The following CFTR variants were observed in gnomAD, a reference collection of about 807,000 sequenced individuals.
CFTR encodes the protein cystic fibrosis transmembrane conductance regulator.
A neutral mutation model predicts 171.6 loss-of-function variants in CFTR; 181 were observed. The ratio of observed to expected loss-of-function variants is 1.05; its 90% CI spans 0.93 to 1.19. The LOEUF is 1.19. Ranked by LOEUF, CFTR falls within the 50% of genes most tolerant of loss-of-function variation. The pLI, the probability that CFTR is intolerant of heterozygous loss-of-function variation, is 0.00. For synonymous variants in CFTR, 583 were observed against 608.0 expected (o/e 0.96, Z 0.60); for missense variants, 1,968 against 1,734.7 (o/e 1.13, Z -2.39).
At chr7:117,624,908 G>A (rs919949120) in intron 21 of CFTR, among the ~76,000 whole-genome samples, 5 of 152,124 alleles carry the variant, frequency 3.3e-5, no homozygotes, top group African/African-American at 4.8e-5. Flanking sequence ...GAATTGATTT[G>A]TTCTGCTCTG....
chr7:117,518,513 A>G (rs1189474878), intron 3 of CFTR, among the ~76,000 whole-genome samples: 1 of 147,976 alleles, frequency 6.8e-6, no homozygotes, highest in East Asian at 1.9e-4. Context: ...AATAGGTTAG[A>G]AAATAGCAAA....
chr7:117,590,417 A>T lies in CFTR; in HGVS notation c.1744A>T (p.Thr582Ser), dbSNP rs397508292. The T allele has an allele frequency of 6.2e-6, 10 of 1,602,524 alleles. No individual in the cohort carries two copies. The highest frequency in any genetic ancestry group is 4.4e-5 in the South Asian group (4 of 90,894). Residue 582 changes from threonine (T) to serine (S), a missense_variant, in exon 13 of 27, where the codon ACA becomes TCA. Coordinates refer to ENST00000003084, the MANE Select transcript of CFTR (RefSeq NM_000492.4). Reference sequence around the variant, plus strand: ...TCCTTTTGGATACCTAGATGTTTTAACAGAAAAAGAAATATTTGAAAGGTA... The same window carrying T: ...TCCTTTTGGATACCTAGATGTTTTATCAGAAAAAGAAATATTTGAAAGGTA... ...DSPFGYLDVLTEKEIFESCVC... is the reference protein window; with the variant it reads ...DSPFGYLDVLSEKEIFESCVC...
intron 24 of CFTR, among the ~76,000 whole-genome samples, chr7:117,656,084 C>A (rs1205482713): frequency 6.6e-6 from 1 of 152,074 alleles, no homozygotes; most frequent in Non-Finnish European, 1.5e-5. Context: ...CTATAGGTAG[C>A]ACTACTTTGT....
At chr7:117,584,019 T>G (rs1039333139) in intron 11 of CFTR, among the ~76,000 whole-genome samples, 2 of 152,044 alleles carry the variant, frequency 1.3e-5, no homozygotes, top group African/African-American at 4.8e-5. Context: ...TGGAATTATT[T>G]GTTTTTTTTT....
chr7:117,505,828 G>A (rs1162082704), intron 2 of CFTR, among the ~76,000 whole-genome samples: 2 of 151,874 alleles, frequency 1.3e-5, no homozygotes, highest in Admixed American at 6.6e-5. Flanking sequence ...CCTTTTTTTG[G>A]CATTTTGAAG....
At chr7:117,659,708 C>A (rs965648281) in intron 24 of CFTR, among the ~76,000 whole-genome samples, 3 of 152,154 alleles carry the variant, frequency 2.0e-5, no homozygotes, top group African/African-American at 7.2e-5. Context: ...TTTTTCAATA[C>A]TTATAAAATA....
chr7:117,597,831 G>C (rs986112418), intron 15 of CFTR, among the ~76,000 whole-genome samples: 3 of 151,086 alleles, frequency 2.0e-5, no homozygotes, highest in East Asian at 3.9e-4. Flanking sequence ...AAAAAGGGGC[G>C]GGGGGGCAGA....
intron 21 of CFTR, among the ~76,000 whole-genome samples, chr7:117,618,167 A>G (rs940613702): frequency 3.9e-4 from 59 of 152,062 alleles, no homozygotes; most frequent in Admixed American, 3.1e-3. Flanking sequence ...CATCAGCTAT[A>G]TCTCAGCCCT....
chr7:117,505,304 G>GTTAGGATCCT (rs1798396554), intron 2 of CFTR, among the ~76,000 whole-genome samples: 1 of 152,028 alleles, frequency 6.6e-6, no homozygotes, highest in Admixed American at 6.6e-5. Context: ...CAATCAAAAG[G>GTTAGGATCCT]TTAGGATCCT....
intron 3 of CFTR, among the ~76,000 whole-genome samples, chr7:117,520,977 T>G (rs1189868534): frequency 6.6e-6 from 1 of 151,974 alleles, no homozygotes; most frequent in East Asian, 1.9e-4. Context: ...AACATTAAGT[T>G]CTTCATTTTA....
chr7:117,485,209 A>G (rs1798055852), intron 1 of CFTR, among the ~76,000 whole-genome samples: 1 of 152,216 alleles, frequency 6.6e-6, no homozygotes. Flanking sequence ...TAAGTATAGT[A>G]TTGCAAAACC....
At chr7:117,644,617 T>C (rs1562923918) in intron 23 of CFTR, among the ~76,000 whole-genome samples, 1 of 152,160 alleles carries the variant, frequency 6.6e-6, no homozygotes, top group Non-Finnish European at 1.5e-5. Context: ...AACAAGAAAT[T>C]TCCCCTCTTT....
At chr7:117,560,692 A>G (rs910670608) in intron 11 of CFTR, 7 of 152,076 alleles carry the variant, frequency 4.6e-5, no homozygotes, top group African/African-American at 1.7e-4. Flanking sequence ...CTTTGAGAGC[A>G]TAATGAAAAG....
At chr7:117,499,952 A>G (rs1236299133) in intron 1 of CFTR, among the ~76,000 whole-genome samples, 1 of 152,192 alleles carries the variant, frequency 6.6e-6, no homozygotes, top group African/African-American at 2.4e-5. Context: ...ACTAGAGGTG[A>G]GAGGGGAAGA....
At chr7:117,512,975 C>A (rs1216031241) in intron 3 of CFTR, among the ~76,000 whole-genome samples, 1 of 152,064 alleles carries the variant, frequency 6.6e-6, no homozygotes, top group Non-Finnish European at 1.5e-5. Context: ...TTGCAGACTA[C>A]AGTCTATATG....
chr7:117,540,703 A>G (rs932643914), intron 8 of CFTR, among the ~76,000 whole-genome samples: 1 of 152,232 alleles, frequency 6.6e-6, no homozygotes, highest in African/African-American at 2.4e-5. Flanking sequence ...AATACTTATT[A>G]TGCTTTTTTG....
At chr7:117,522,471 T>C (rs1242688292) in intron 3 of CFTR, among the ~76,000 whole-genome samples, 1 of 152,248 alleles carries the variant, frequency 6.6e-6, no homozygotes, top group Non-Finnish European at 1.5e-5. Context: ...TCAGTGTTTA[T>C]TTCACCATCA....
chr7:117,648,299 T>C (rs928088364), intron 23 of CFTR, among the ~76,000 whole-genome samples: 1 of 151,984 alleles, frequency 6.6e-6, no homozygotes, highest in Non-Finnish European at 1.5e-5. Flanking sequence ...AACTGCTTTA[T>C]TGTTTTTTGT....
At chr7:117,549,727 G>T (rs748448113) in intron 10 of CFTR, among the ~76,000 whole-genome samples, 1 of 152,016 alleles carries the variant, frequency 6.6e-6, no homozygotes, top group East Asian at 1.9e-4. Context: ...AAGTTTAGTG[G>T]TCTCTTGAAG....
Sources: gnomAD v4.1 joint callset for allele counts (sites outside exome capture counted in the v4.1 genomes callset) on GRCh38, gnomAD v4.1.1 for gene constraint, MANE v1.5 for transcripts, NCBI Gene and HGNC (gene_info 2026-07-23, HGNC 2026-07-21) for gene names.